The following FLNB variants were observed in gnomAD, a reference collection of about 807,000 sequenced individuals.
The protein encoded by FLNB is filamin-B.
Under a neutral mutation model 250.6 loss-of-function variants are expected in FLNB, and 111 were observed. That is an observed-to-expected ratio of 0.44 (90% CI 0.38 to 0.52). The LOEUF is 0.52. Ranked by LOEUF, FLNB falls within the 20% of genes least tolerant of loss-of-function variation. FLNB has a pLI of 0.00. For synonymous variants in FLNB, 1,302 were observed against 1,372.1 expected, an observed-to-expected ratio of 0.95 and a Z score of 1.13; for missense variants, 2,869 against 3,447.8, an observed-to-expected ratio of 0.83 and a Z score of 4.20.
At chr3:58,049,692 C>T (rs572488509) in intron 1 of FLNB, among the ~76,000 whole-genome samples, 4 of 152,288 alleles carry the variant, frequency 2.6e-5, no homozygotes, top group Admixed American at 1.3e-4. Context: ...ACTTCCACCA[C>T]GGCCTGTGAT....
rs1210081860 is a variant in FLNB, at chr3:58,123,311, AG to A, written c.3346del (p.Val1116SerfsTer77). Reference protein sequence around the residue: ...EYFVNILFEEVHIPGSPFKAD... With the variant: ...EYFVNILFEEXHIPGSPFKAD... ...ACTTCGTCAACATCCTCTTTGAAGAAGTCCACATACCTGGGTCTCCCTTCAA... is the reference window on the plus strand; with the variant it reads ...ACTTCGTCAACATCCTCTTTGAAGAATCCACATACCTGGGTCTCCCTTCAA... On this transcript the variant is annotated frameshift_variant, in exon 21 of 46. Transcript: ENST00000295956. LOFTEE classifies it high-confidence loss of function. 1.9e-6 allele frequency: 3 copies of A among 1,614,146 alleles called. No individual in the cohort carries two copies. The highest frequency in any genetic ancestry group is 2.5e-6 in the Non-Finnish European group (3 of 1,180,012).
chr3:58,072,030 G>A (rs181113071), intron 1 of FLNB, among the ~76,000 whole-genome samples: 1 of 152,266 alleles, frequency 6.6e-6, no homozygotes, highest in East Asian at 1.9e-4. Context: ...TTACAGAAGT[G>A]ACATGAAAAC....
chr3:58,078,725 C>G lies in FLNB; in HGVS notation c.550C>G (p.Pro184Ala), dbSNP rs1485636886. ...LVDSCAPGLC[P>A]DWESWDPQKP... is the part of the protein sequence containing the mutation. Reference sequence around the variant, plus strand: ...TTGTGTTCTGTTAACAGGTCTGTGCCCAGACTGGGAATCCTGGGACCCGCA... The same window carrying G: ...TTGTGTTCTGTTAACAGGTCTGTGCGCAGACTGGGAATCCTGGGACCCGCA... The change falls in exon 3 of 46, where the codon CCA becomes GCA. Residue 184 changes from proline to alanine, a missense_variant. Physicochemically the swap from Pro to Ala is conservative, Grantham distance 27. Around this residue, in one of 5 missense-constraint regions of FLNB, gnomAD observed 308 missense variants for 466.1 expected, o/e 0.66. Transcript: ENST00000295956. 6.2e-7 allele frequency: 1 copy of G among 1,613,340 alleles called. No individual in the cohort carries two copies. Among genetic ancestry groups the G allele is most frequent in the Non-Finnish European group, 8.5e-7 (1 of 1,179,736 alleles).
At chr3:58,048,053 A>T (rs2097156766) in intron 1 of FLNB, among the ~76,000 whole-genome samples, 1 of 152,182 alleles carries the variant, frequency 6.6e-6, no homozygotes, top group Admixed American at 6.5e-5. Context: ...ATACAGTAAT[A>T]ACATCTTGTG....
chr3:58,085,100 C>T (rs2097215371), intron 4 of FLNB, among the ~76,000 whole-genome samples: 1 of 152,164 alleles, frequency 6.6e-6, no homozygotes, highest in Non-Finnish European at 1.5e-5. Flanking sequence ...TGGGTTGTTA[C>T]ATTCTTTTGG....
intron 1 of FLNB, among the ~76,000 whole-genome samples, chr3:58,010,763 T>G (rs531168606): frequency 6.6e-6 from 1 of 152,298 alleles, no homozygotes; most frequent in East Asian, 1.9e-4. Flanking sequence ...ACCGCAGCAC[T>G]AGCAAATCAC....
chr3:58,041,099 A>G (rs2097145416), intron 1 of FLNB, among the ~76,000 whole-genome samples: 1 of 152,146 alleles, frequency 6.6e-6, no homozygotes, highest in South Asian at 2.1e-4. Context: ...CTGAGGCTAC[A>G]TTTACGGTCA....
intron 43 of FLNB, chr3:58,163,586 C>T (rs772540168): frequency 1.7e-5 from 9 of 517,080 alleles, no homozygotes; most frequent in Non-Finnish European, 3.2e-5. Context: ...ATTCCTTCCT[C>T]TGCCAAGTTT....
At chr3:58,153,788 C>T in intron 39 of FLNB, 147 bp downstream of exon 39, 1 of 961,944 alleles carries the variant, frequency 1.0e-6, no homozygotes, top group South Asian at 1.5e-5. Context: ...GGCATCATGA[C>T]TAAGTCTGGC....
intron 1 of FLNB, among the ~76,000 whole-genome samples, chr3:58,040,579 C>G (rs1410168861): frequency 1.3e-5 from 2 of 152,232 alleles, no homozygotes; most frequent in East Asian, 3.9e-4. Context: ...ACTGCAACCT[C>G]CGTCTCACTG....
chr3:58,156,154 TC>T, intron 41 of FLNB, 79 bp downstream of exon 41: 2 of 1,052,956 alleles, frequency 1.9e-6, no homozygotes, highest in Non-Finnish European at 2.9e-6. Context: ...TGCTTCAATG[TC>T]CCCTTAGGTG....
intron 31 of FLNB, 65 bp from the exon 32 acceptor site, chr3:58,143,408 G>C (rs2097330490): frequency 6.3e-7 from 1 of 1,577,256 alleles, no homozygotes. Flanking sequence ...TCTGTGCCTT[G>C]GGCTCTGCTT....
chr3:58,118,948 C>T lies in FLNB; in HGVS notation c.2822C>T (p.Pro941Leu), dbSNP rs777107156. The stretch of plus-strand genomic sequence containing the variant: ...CCTTTCACTGTGGGTGTTGCTGCAC[C>T]GCTGGATCTGAGCAAGATAAAACTC... ...KSPFTVGVAAPLDLSKIKLNG... is the reference protein window; with the variant it reads ...KSPFTVGVAALLDLSKIKLNG... Residue 941 changes from proline (P) to leucine (L), a missense_variant, in exon 19 of 46, where the codon CCG becomes CTG. Around this residue, in one of 5 missense-constraint regions of FLNB, gnomAD observed 1,348 missense variants for 1,466.7 expected, o/e 0.92. Transcript: ENST00000295956. 31 of 1,613,800 alleles carry T rather than the reference C, an allele frequency of 1.9e-5. No homozygotes were observed. The highest frequency in any genetic ancestry group is 1.3e-4 in the South Asian group (12 of 91,078).
chr3:58,114,717 T>TG (rs1553699396), intron 18 of FLNB, among the ~76,000 whole-genome samples: 55 of 150,480 alleles, frequency 3.7e-4, no homozygotes, highest in African/African-American at 1.3e-3. Flanking sequence ...GTTTTTTTTT[T>TG]TTGTTGTTGT....
chr3:58,055,810 T>C (rs2097169484), intron 1 of FLNB, among the ~76,000 whole-genome samples: 1 of 152,214 alleles, frequency 6.6e-6, no homozygotes, highest in South Asian at 2.1e-4. Context: ...ACCAATGATA[T>C]TGAAATAGAT....
rs750623214 is a variant in FLNB, at chr3:58,150,237, G to A, written c.6367+10G>A. 12 of 1,614,002 alleles carry A rather than the reference G, an allele frequency of 7.4e-6. No individual in the cohort carries two copies. The highest frequency in any genetic ancestry group is 2.2e-5 in the East Asian group (1 of 44,902). ...AACCTGAAAATCCCAGGTGGGCGTC[G>A]GGGACTAGTAGGGTGGGGAAGCCTT... is the stretch of plus-strand genomic sequence containing the variant. On this transcript the variant is annotated intron_variant, in intron 38 of 45. Coordinates refer to ENST00000295956, the MANE Select transcript of FLNB (RefSeq NM_001457.4).
chr3:58,146,615 G>C, intron 33 of FLNB: 1 of 590,738 alleles, frequency 1.7e-6, no homozygotes, highest in South Asian at 1.9e-5. Context: ...GAAGAACTCA[G>C]ATGTTTGGGG....
At chr3:58,101,240 T>C (rs2097250734) in intron 8 of FLNB, among the ~76,000 whole-genome samples, 2 of 152,212 alleles carry the variant, frequency 1.3e-5, no homozygotes, top group African/African-American at 4.8e-5. Flanking sequence ...ACCTTCCGTC[T>C]GTGGAGTAGA....
At chr3:58,129,481 A>G (rs1247668163) in intron 24 of FLNB, among the ~76,000 whole-genome samples, 1 of 152,170 alleles carries the variant, frequency 6.6e-6, no homozygotes, top group Non-Finnish European at 1.5e-5. Flanking sequence ...AGCTGTTGAC[A>G]TTGAAATCCT....
Sources: gnomAD v4.1 joint callset for allele counts (sites outside exome capture counted in the v4.1 genomes callset) on GRCh38, gnomAD v4.1.1 for gene constraint, gnomAD v4.1.1 regional missense constraint, MANE v1.5 for transcripts, NCBI Gene and HGNC (gene_info 2026-07-23, HGNC 2026-07-21) for gene names.